Variants in GARIN5A observed in about 807,000 individuals in gnomAD.
GARIN5A encodes the protein Golgi-associated RAB2 interactor protein 5A.
the GARIN5A span, chr19:50,476,660 T>A: frequency 6.6e-7 from 1 of 1,515,464 alleles, no homozygotes. Flanking sequence ...GCGCGAGGGG[T>A]GAGTGCTCTT....
chr19:50,471,823 TATACGCATACATATCTGTGTGC>T, the GARIN5A span, among the ~76,000 whole-genome samples: 5 of 141,866 alleles, frequency 3.5e-5, no homozygotes, highest in South Asian at 2.1e-4. Flanking sequence ...TACCTGTGTG[TATACGCATACATATCTGTGTGC>T]ATACGCATAC....
At chr19:50,472,092 GTA>G in the GARIN5A span, among the ~76,000 whole-genome samples, 48 of 142,948 alleles carry the variant, frequency 3.4e-4, 1 homozygote, top group African/African-American at 1.2e-3. Context: ...GTGTGTATAT[GTA>G]TATGTATATA....
chr19:50,476,582 T>C, the GARIN5A span: 4 of 1,575,660 alleles, frequency 2.5e-6, no homozygotes, highest in Admixed American at 3.6e-5. Context: ...CGGCTGCTCC[T>C]GCTCTTGCTG....
At chr19:50,476,263 T>C in the GARIN5A span, 1 of 1,610,842 alleles carries the variant, frequency 6.2e-7, no homozygotes, top group Non-Finnish European at 8.5e-7. Flanking sequence ...GGGGCGGGAC[T>C]ACGCGCACTG....
At chr19:50,467,164 G>A in the GARIN5A span, among the ~76,000 whole-genome samples, 1 of 152,202 alleles carries the variant, frequency 6.6e-6, no homozygotes, top group Admixed American at 6.5e-5. Flanking sequence ...CATTGGGCCT[G>A]GCTGACCCCA....
chr19:50,471,675 TACATGCACGTGTGTGTATAC>T, the GARIN5A span, among the ~76,000 whole-genome samples: 1 of 151,482 alleles, frequency 6.6e-6, no homozygotes, highest in Non-Finnish European at 1.5e-5. Flanking sequence ...TGTATACGCA[TACATGCACGTGTGTGTATAC>T]GCATACATGC....
At chr19:50,467,578 T>C in the GARIN5A span, 1 of 1,543,896 alleles carries the variant, frequency 6.5e-7, no homozygotes, top group African/African-American at 1.4e-5. Flanking sequence ...CCTCTGGGCC[T>C]CCACCTCATC....
the GARIN5A span, among the ~76,000 whole-genome samples, chr19:50,472,167 C>G: frequency 7.2e-6 from 1 of 138,308 alleles, no homozygotes; most frequent in African/African-American, 2.8e-5. Context: ...TGTATGTATA[C>G]GTGTGTATAT....
chr19:50,472,243 T>TATGTATATATACATGTATGTGTATATATG, the GARIN5A span, among the ~76,000 whole-genome samples: 4 of 133,946 alleles, frequency 3.0e-5, no homozygotes, highest in Non-Finnish European at 6.3e-5. Context: ...TATGTGTGTA[T>TATGTATATATACATGTATGTGTATATATG]TATATATACA....
At chr19:50,472,089 T>TATGC in the GARIN5A span, among the ~76,000 whole-genome samples, 1 of 132,368 alleles carries the variant, frequency 7.6e-6, no homozygotes, top group Admixed American at 7.5e-5. Context: ...CATGTGTGTA[T>TATGC]ATGTATATGT....
At chr19:50,472,210 ATG>A in the GARIN5A span, among the ~76,000 whole-genome samples, 79 of 131,100 alleles carry the variant, frequency 6.0e-4, no homozygotes, top group Admixed American at 1.3e-3. Flanking sequence ...ATGTATATAC[ATG>A]TGTGTATGTA....
chr19:50,469,899 G>T, the GARIN5A span, among the ~76,000 whole-genome samples: 1 of 152,098 alleles, frequency 6.6e-6, no homozygotes, highest in Admixed American at 6.6e-5. Context: ...CTTGATTTTT[G>T]TCCCCCAAAT....
At chr19:50,469,842 G>A in the GARIN5A span, among the ~76,000 whole-genome samples, 2 of 152,244 alleles carry the variant, frequency 1.3e-5, no homozygotes, top group Non-Finnish European at 2.9e-5. Flanking sequence ...CTGCCACACC[G>A]CCTGTAACCG....
chr19:50,476,461 G>A, the GARIN5A span: 5 of 1,563,470 alleles, frequency 3.2e-6, no homozygotes, highest in African/African-American at 5.4e-5. Flanking sequence ...AGGCGCACGG[G>A]CGTCAGGATG....
At chr19:50,476,219 G>C in the GARIN5A span, 19 of 1,613,572 alleles carry the variant, frequency 1.2e-5, no homozygotes, top group South Asian at 2.2e-5. Context: ...CCCGTCCGAC[G>C]GGAGCGGACG....
chr19:50,469,567 CAGTGGATGCT>C, the GARIN5A span, among the ~76,000 whole-genome samples: 9 of 152,188 alleles, frequency 5.9e-5, no homozygotes, highest in Non-Finnish European at 1.2e-4. Context: ...GTGGATGCTT[CAGTGGATGCT>C]TTTTGAGTAT....
chr19:50,476,653 C>T, the GARIN5A span: 1 of 1,526,878 alleles, frequency 6.5e-7, no homozygotes, highest in Non-Finnish European at 8.8e-7. Context: ...GACTGGTGCG[C>T]GAGGGGTGAG....
the GARIN5A span, among the ~76,000 whole-genome samples, chr19:50,473,887 T>C: frequency 6.6e-6 from 1 of 152,036 alleles, no homozygotes; most frequent in Admixed American, 6.6e-5. Flanking sequence ...CTCAGGAGGC[T>C]GAGGCAGGAG....
chr19:50,472,415 C>A, the GARIN5A span, among the ~76,000 whole-genome samples: 2 of 151,826 alleles, frequency 1.3e-5, no homozygotes, highest in Non-Finnish European at 2.9e-5. Context: ...AGTCCTGAGG[C>A]CAAATTTGCA....
Sources: gnomAD v4.1 joint callset for allele counts (sites outside exome capture counted in the v4.1 genomes callset) on GRCh38, gnomAD v4.1.1 for gene constraint, MANE v1.5 for transcripts, NCBI Gene and HGNC (gene_info 2026-07-23, HGNC 2026-07-21) for gene names.